Variants in PIK3CA observed in about 807,000 individuals in gnomAD.
The protein encoded by PIK3CA is phosphatidylinositol 4,5-bisphosphate 3-kinase catalytic subunit alpha isoform.
In PIK3CA, 27 loss-of-function variants were observed where a neutral mutation model predicts 138.2. The ratio of observed to expected loss-of-function variants is 0.20; its 90% CI spans 0.14 to 0.27. PIK3CA has a LOEUF of 0.27. PIK3CA is among the 10% of genes least tolerant of loss of function. PIK3CA has a pLI of 1.00. For synonymous variants in PIK3CA, 358 were observed against 413.2 expected (o/e 0.87, Z 1.62); for missense variants, 544 against 1,277.4 (o/e 0.43, Z 8.75).
chr3:179,226,941 A>G (rs1202759200), intron 17 of PIK3CA, among the ~76,000 whole-genome samples: 4 of 152,076 alleles, frequency 2.6e-5, no homozygotes, highest in African/African-American at 4.8e-5. Context: ...ATTTTTTGGT[A>G]TAATTTCCTG....
In PIK3CA at chr3:179,220,310, A is replaced by G. The variant is rs1724936108; in HGVS notation, c.2015+258A>G. Among the ~76,000 whole-genome samples the G allele has an allele frequency of 1.3e-5, 2 of 152,118 alleles. No homozygotes were observed. Among genetic ancestry groups the G allele is most frequent in the African/African-American group, 2.4e-5 (1 of 41,440 alleles). On this transcript the variant is annotated intron_variant, in intron 13 of 20. Transcript: ENST00000263967. This position sits in a 1 kb window ranked among gnomAD's most constrained non-coding sequence, Gnocchi z 4.1. ...AAAGATTTTTGTTCTACTTAAGTCA[A>G]ATTTTCTAGGTCCAGATGAATATTG...
chr3:179,224,268 T>A (rs1172594575), intron 15 of PIK3CA, 81 bp downstream of exon 15: 3 of 693,246 alleles, frequency 4.3e-6, no homozygotes, highest in Non-Finnish European at 7.4e-6. Flanking sequence ...AAAATGTCTG[T>A]TATAATTAGA....
intron 6 of PIK3CA, among the ~76,000 whole-genome samples, chr3:179,208,366 A>C (rs1006690881): frequency 6.6e-6 from 1 of 152,220 alleles, no homozygotes; most frequent in African/African-American, 2.4e-5. Flanking sequence ...ACTATCTAAC[A>C]TATGAGCTTC....
intron 1 of PIK3CA, among the ~76,000 whole-genome samples, chr3:179,156,029 T>G (rs1723131350): frequency 6.6e-6 from 1 of 152,218 alleles, no homozygotes; most frequent in Non-Finnish European, 1.5e-5. Flanking sequence ...TGTTAAAGCC[T>G]GTTTTTTTAT....
At chr3:179,214,763 C>T (rs12494623) in intron 9 of PIK3CA, among the ~76,000 whole-genome samples, 86,837 of 151,794 alleles carry the variant, frequency 0.57, 26,040 homozygotes, top group African/African-American at 0.76. Flanking sequence ...TACACCTGCA[C>T]AAATATATTG....
intron 3 of PIK3CA, 74 bp from the exon 4 acceptor site, chr3:179,201,216 G>C: frequency 8.1e-7 from 1 of 1,232,856 alleles, no homozygotes. Context: ...TAATGATAGT[G>C]AATACTTGTT....
chr3:179,165,984 C>T (rs1723408960), intron 1 of PIK3CA, among the ~76,000 whole-genome samples: 1 of 152,080 alleles, frequency 6.6e-6, no homozygotes, highest in South Asian at 2.1e-4. Flanking sequence ...TTACAACACA[C>T]ATATACTAAA....
intron 1 of PIK3CA, among the ~76,000 whole-genome samples, chr3:179,169,844 A>G (rs78163832): frequency 0.028 from 4,321 of 152,344 alleles, 100 homozygotes; most frequent in Non-Finnish European, 0.044. Context: ...CTGCAAGCCA[A>G]TCTCACTTAA....
At position 179,236,413 on chromosome 3, in the gene PIK3CA, G is replaced by C. The variant is rs1045826897; in HGVS notation, c.*2049G>C. 3.3e-5 allele frequency: 7 copies of C among 212,114 alleles called. No individual in the cohort carries two copies. The highest frequency in any genetic ancestry group is 1.6e-4 in the African/African-American group (7 of 44,142). 13.1% of individuals were successfully genotyped at this position (212,114 alleles called of 1,614,324 possible). Reference sequence around the variant, plus strand: ...TTAAAACTTATTAACATTTTGTGTTGTTTAGATATAGGCAGTTGATACATA... The same window carrying C: ...TTAAAACTTATTAACATTTTGTGTTCTTTAGATATAGGCAGTTGATACATA... On this transcript the variant is annotated 3_prime_UTR_variant, in exon 21 of 21. Transcript: ENST00000263967.
intron 6 of PIK3CA, among the ~76,000 whole-genome samples, chr3:179,209,283 T>TA (rs1724648419): frequency 1.3e-5 from 2 of 151,976 alleles, no homozygotes; most frequent in Admixed American, 1.3e-4. Flanking sequence ...CCAATACTCT[T>TA]AGTGTATGAG....
In PIK3CA at chr3:179,157,624, TC is replaced by T. The variant is rs374911306; in HGVS notation, c.-77+9022del. On this transcript the variant is annotated intron_variant, in intron 1 of 20. Coordinates refer to ENST00000263967, the MANE Select transcript of PIK3CA (RefSeq NM_006218.4). ...ATATCAGACATATATGTTTGTTTAC[TC>T]TAAAACTAATTTTTTTTACCAATCA... Among the ~76,000 whole-genome samples, 1,168 of 152,234 alleles carry T rather than the reference TC, an allele frequency of 7.7e-3. 13 individuals carry two copies. The highest frequency in any genetic ancestry group is 0.044 in the South Asian group (212 of 4,830).
chr3:179,205,020 CAAAAAAAAAAAAAAAAAA>C (rs574908621), intron 6 of PIK3CA, among the ~76,000 whole-genome samples: 20 of 53,378 alleles, frequency 3.7e-4, no homozygotes, highest in Non-Finnish European at 5.2e-4. Flanking sequence ...GACTCCGTCT[CAAAAAAAAAAAAAAAAAA>C]AAAAAAAAAA....
intron 9 of PIK3CA, among the ~76,000 whole-genome samples, chr3:179,215,013 T>C (rs1036852096): frequency 2.0e-5 from 3 of 152,196 alleles, no homozygotes; most frequent in Non-Finnish European, 4.4e-5. Context: ...TTTCCAAATA[T>C]ATTACTTTTT....
intron 6 of PIK3CA, among the ~76,000 whole-genome samples, chr3:179,207,983 G>A (rs558962881): frequency 1.3e-5 from 2 of 152,066 alleles, no homozygotes; most frequent in Admixed American, 6.5e-5. Flanking sequence ...CCAGGAGTTC[G>A]AAGCTATAAT....
intron 1 of PIK3CA, among the ~76,000 whole-genome samples, chr3:179,160,353 A>G (rs904742979): frequency 1.1e-4 from 16 of 150,800 alleles, no homozygotes; most frequent in Admixed American, 1.1e-3. Flanking sequence ...AGAATTTGCC[A>G]TCCTTTCAGT....
In PIK3CA at chr3:179,201,609, A is replaced by ATTT. The variant is rs373901635; in HGVS notation, c.813+83_813+85dup. 1,239 of 762,616 alleles carry ATTT rather than the reference A, an allele frequency of 1.6e-3. 1 individual carries two copies. Among genetic ancestry groups the ATTT allele is most frequent in the Middle Eastern group, 2.2e-3 (5 of 2,278 alleles). 47.2% of individuals were successfully genotyped at this position (762,616 alleles called of 1,614,324 possible). A position where few individuals can be genotyped will look rare whatever the true frequency, so the allele number is the denominator to read the frequency against. The stretch of plus-strand genomic sequence containing the variant: ...AATCACATTGAGGATGAGTATCTGT[A>ATTT]TTTTTTTTTTTTTTTTGAGACGGAA... On this transcript the variant is annotated intron_variant, in intron 4 of 20. Coordinates refer to ENST00000263967, the MANE Select transcript of PIK3CA (RefSeq NM_006218.4).
rs146958643 is a variant in PIK3CA, at chr3:179,183,302, G to A, written c.-76-15448G>A. On this transcript the variant is annotated intron_variant, in intron 1 of 20. Coordinates refer to ENST00000263967, the MANE Select transcript of PIK3CA (RefSeq NM_006218.4). The stretch of plus-strand genomic sequence containing the variant: ...TTGTTTGGTCTTTATCATGGAAAAA[G>A]CATTGTTATTTAAATCAAATTTTTA... 7.8e-4 allele frequency among the ~76,000 whole-genome samples: 119 copies of A among 152,178 alleles called. No homozygotes were observed. In the East Asian group the frequency reaches 0.022, roughly 28 times the overall value.
chr3:179,156,935 G>A (rs538908442), intron 1 of PIK3CA, among the ~76,000 whole-genome samples: 7 of 152,164 alleles, frequency 4.6e-5, no homozygotes, highest in African/African-American at 1.7e-4. Flanking sequence ...TTCTTAGGAG[G>A]TTAATGTCTT....
chr3:179,228,593 C>T (rs1725138443), intron 17 of PIK3CA, among the ~76,000 whole-genome samples: 1 of 151,992 alleles, frequency 6.6e-6, no homozygotes, highest in African/African-American at 2.4e-5. Flanking sequence ...TTAATTAAAA[C>T]ATTGCATTAG....
Sources: gnomAD v4.1 joint callset for allele counts (sites outside exome capture counted in the v4.1 genomes callset) on GRCh38, gnomAD v4.1.1 for gene constraint, Gnocchi (gnomAD v3.1) non-coding constraint, MANE v1.5 for transcripts, NCBI Gene and HGNC (gene_info 2026-07-23, HGNC 2026-07-21) for gene names.